CTDP1: variants seen among roughly 807,000 people sequenced by gnomAD.
CTDP1 encodes the protein CTD phosphatase 1, also known as RNA polymerase II subunit A C-terminal domain phosphatase.
CTDP1 carries 47 observed loss-of-function variants against 91.8 expected under a neutral mutation model. That is an observed-to-expected ratio of 0.51 (90% confidence interval 0.41 to 0.65). The LOEUF (loss-of-function observed/expected upper bound fraction) is 0.65, where lower values mean the gene tolerates loss of function less well. Among genes scored for constraint, CTDP1 ranks in the 30% least tolerant of loss-of-function variants. CTDP1 has a pLI of 0.00. For missense variants in CTDP1, 1,272 were observed against 1,373.7 expected, an observed-to-expected ratio of 0.93 and a Z score of 1.17; for synonymous variants, 656 against 598.5, an observed-to-expected ratio of 1.10 and a Z score of -1.40.
intron 10 of CTDP1, among the ~76,000 whole-genome samples, chr18:79,722,939 TAG>T (rs2086374750): frequency 6.6e-6 from 1 of 152,110 alleles, no homozygotes; most frequent in Non-Finnish European, 1.5e-5. Context: ...GGAGGAACAG[TAG>T]AGTGTTTTCT....
downstream of CTDP1, chr18:79,756,509 A>G (rs920211960): frequency 2.6e-5 from 4 of 151,452 alleles, no homozygotes; most frequent in African/African-American, 9.7e-5. Context: ...AGGGACTGTG[A>G]TTAACGTTTA....
At position 79,684,709 on chromosome 18, in the gene CTDP1, C is replaced by T. The variant is rs113874040; in HGVS notation, c.314+4448C>T. ...AACCACATCAGTGGTTATTTTTAGACAAAGAACCATTCTGGGAACTTAAAA... is the reference window on the plus strand; with the variant it reads ...AACCACATCAGTGGTTATTTTTAGATAAAGAACCATTCTGGGAACTTAAAA... On this transcript the variant is annotated intron_variant, in intron 1 of 12. Transcript: ENST00000613122. Among the ~76,000 whole-genome samples the T allele has an allele frequency of 7.1e-3, 1,079 of 152,326 alleles. 17 individuals carry two copies. Among genetic ancestry groups the T allele is most frequent in the African/African-American group, 0.024 (1,013 of 41,566 alleles).
intron 8 of CTDP1, 116 bp downstream of exon 8, chr18:79,715,644 G>C (rs1415716459): frequency 8.9e-7 from 1 of 1,124,676 alleles, no homozygotes; most frequent in East Asian, 2.6e-5. Context: ...ACATTTCCCA[G>C]AATCACCATC....
chr18:79,740,510 G>C (rs961825104), intron 12 of CTDP1, among the ~76,000 whole-genome samples: 6 of 152,190 alleles, frequency 3.9e-5, no homozygotes, highest in Admixed American at 3.3e-4. Context: ...AAGTAAATGT[G>C]GTTTGAGTTT....
Position 79,680,273 on chromosome 18 carries a change from G to A in CTDP1, c.314+12G>A, listed in dbSNP as rs2085332384. On this transcript the variant is annotated intron_variant, in intron 1 of 12. Transcript: ENST00000613122. ...GTGGTCGCCCCAGGGTGAGTGTGCT[G>A]AGCCGGGCGGGGCCGAGGGCGGGCG... 25 of 1,262,266 alleles carry A rather than the reference G, an allele frequency of 2.0e-5. No homozygotes were observed. The highest frequency in any genetic ancestry group is 2.5e-5 in the Non-Finnish European group (25 of 1,005,846). The allele number at this position is 1,262,266 out of a possible 1,614,324, so 78.2% of individuals were successfully genotyped here. A position where few individuals can be genotyped will look rare whatever the true frequency, so the allele number is the denominator to read the frequency against.
At chr18:79,755,359 C>T (rs1478406885), downstream of CTDP1, 1 of 152,172 alleles carries the variant, frequency 6.6e-6, no homozygotes, top group Non-Finnish European at 1.5e-5. Context: ...TCAGGGAGTT[C>T]CTCCTGTCCA....
At chr18:79,711,527 GGAATGT>G (rs1317379884) in intron 6 of CTDP1, among the ~76,000 whole-genome samples, 1 of 152,190 alleles carries the variant, frequency 6.6e-6, no homozygotes, top group Non-Finnish European at 1.5e-5. Context: ...AGTGGGCAGA[GGAATGT>G]GAATAGCCCC....
intron 5 of CTDP1, 29 bp from the exon 6 acceptor site, chr18:79,710,317 G>A (rs1217824243): frequency 1.3e-6 from 2 of 1,572,566 alleles, no homozygotes; most frequent in Non-Finnish European, 1.8e-6. Context: ...TCTCAGGTAT[G>A]TAATCTTTGT....
chr18:79,710,920 A>G (rs677157), intron 6 of CTDP1, among the ~76,000 whole-genome samples: 115,518 of 151,760 alleles, frequency 0.76, 44,226 homozygotes, highest in Middle Eastern at 0.79. Context: ...TAGCCTCAGA[A>G]TACTTAGAAA....
At chr18:79,706,463 C>T (rs1017560495) in intron 5 of CTDP1, among the ~76,000 whole-genome samples, 1 of 152,154 alleles carries the variant, frequency 6.6e-6, no homozygotes, top group African/African-American at 2.4e-5. Context: ...CTGAGCGGGG[C>T]ATCACTCTCA....
Position 79,704,921 on chromosome 18 carries a change from A to G in CTDP1, c.772+4A>G, listed in dbSNP as rs373678380. The G allele has an allele frequency of 1.2e-6, 2 of 1,612,882 alleles. No homozygotes were observed. The highest frequency in any genetic ancestry group is 1.7e-6 in the Non-Finnish European group (2 of 1,180,040). On this transcript the variant is annotated splice_donor_region_variant and intron_variant, in intron 5 of 12. Coordinates refer to ENST00000613122, the MANE Select transcript of CTDP1 (RefSeq NM_004715.5). Reference sequence around the variant, plus strand: ...CTGTACGCACACACCATCGCAGGTCAGTCAAGCCGCAGCCGAAGAGGCCGT... The same window carrying G: ...CTGTACGCACACACCATCGCAGGTCGGTCAAGCCGCAGCCGAAGAGGCCGT...
In CTDP1 at chr18:79,713,068, T is replaced by G; in HGVS notation, c.960T>G (p.Tyr320Ter). ...FAPNLITVKK[Y>*]VYFQGTGDMN... The stretch of plus-strand genomic sequence containing the variant: ...CCAATCTGATAACTGTGAAGAAATA[T>G]GTATACTTCCAGGGCACGGGTGATA... The change falls in exon 7 of 13, where the codon TAT becomes TAG. Residue 320 changes from tyrosine to a stop codon, truncating the protein, a stop_gained. Coordinates refer to ENST00000613122, the MANE Select transcript of CTDP1 (RefSeq NM_004715.5). LOFTEE classifies it high-confidence loss of function. The surrounding 1 kb of genome is among the most constrained non-coding windows in gnomAD (Gnocchi z 4.7). 1.9e-6 allele frequency: 3 copies of G among 1,614,198 alleles called. No individual in the cohort carries two copies. Among genetic ancestry groups the G allele is most frequent in the Non-Finnish European group, 2.5e-6 (3 of 1,180,030 alleles).
chr18:79,754,121 C>T lies in CTDP1; in HGVS notation c.*331C>T, dbSNP rs191895414. 7.6e-6 allele frequency: 3 copies of T among 397,098 alleles called. No individual in the cohort carries two copies. Among genetic ancestry groups the T allele is most frequent in the East Asian group, 5.8e-5 (1 of 17,328 alleles). 24.6% of individuals were successfully genotyped at this position (397,098 alleles called of 1,614,324 possible). A position where few individuals can be genotyped will look rare whatever the true frequency, so the allele number is the denominator to read the frequency against. The stretch of plus-strand genomic sequence containing the variant: ...TGTTTTCCCCTTGTGTACCAGAGCA[C>T]ATTCCTTAGGGGACGGCTTTGGGGG... On this transcript the variant is annotated 3_prime_UTR_variant, in exon 13 of 13. Transcript: ENST00000613122.
chr18:79,740,734 G>GT (rs1292451379), intron 12 of CTDP1, among the ~76,000 whole-genome samples: 1 of 152,164 alleles, frequency 6.6e-6, no homozygotes, highest in South Asian at 2.1e-4. Flanking sequence ...GGAAGGTTGT[G>GT]TTTTTTACTT....
chr18:79,746,530 T>C (rs1397494688), intron 12 of CTDP1, among the ~76,000 whole-genome samples: 1 of 152,256 alleles, frequency 6.6e-6, no homozygotes, highest in Non-Finnish European at 1.5e-5. Context: ...TTTTCATAGC[T>C]ACACAAACTG....
chr18:79,702,272 C>A (rs2085875437), intron 4 of CTDP1, among the ~76,000 whole-genome samples: 1 of 152,206 alleles, frequency 6.6e-6, no homozygotes, highest in South Asian at 2.1e-4. Flanking sequence ...AGTCAGCAGC[C>A]ATCAGCATCA....
chr18:79,756,385 G>C (rs2087093710), downstream of CTDP1: 1 of 152,294 alleles, frequency 6.6e-6, no homozygotes, highest in Non-Finnish European at 1.5e-5. Context: ...CCTGCCCGCG[G>C]TGATGGCACC....
At chr18:79,689,810 A>G (rs2085582627) in intron 1 of CTDP1, among the ~76,000 whole-genome samples, 1 of 152,232 alleles carries the variant, frequency 6.6e-6, no homozygotes. Context: ...TTAGCAGTGT[A>G]GGCTCATGGT....
At chr18:79,704,712 G>C in intron 4 of CTDP1, 55 bp from the exon 5 acceptor site, 2 of 1,607,364 alleles carry the variant, frequency 1.2e-6, no homozygotes, top group Non-Finnish European at 1.7e-6. Context: ...AGGTTGCGGG[G>C]GCGGCCGGGG....
Sources: allele counts gnomAD v4.1 joint callset (sites outside exome capture counted in the v4.1 genomes callset), GRCh38; gene constraint gnomAD v4.1.1; non-coding constraint Gnocchi (gnomAD v3.1); transcripts MANE v1.5; gene names NCBI Gene and HGNC (gene_info 2026-07-23, HGNC 2026-07-21).